The following EDIL3 variants were observed in gnomAD, a reference collection of about 807,000 sequenced individuals.
EDIL3 encodes the protein EGF-like repeat and discoidin I-like domain-containing protein 3.
Under a neutral mutation model 67.4 loss-of-function variants are expected in EDIL3, and 37 were observed. The observed-to-expected ratio is 0.55, with a 90% CI of 0.42 to 0.72. The LOEUF (loss-of-function observed/expected upper bound fraction) is 0.72, where lower values mean the gene tolerates loss of function less well. EDIL3 is among the 30% of genes least tolerant of loss of function. The pLI, the probability that EDIL3 is intolerant of heterozygous loss-of-function variation, is 0.00. For synonymous variants in EDIL3, 195 were observed against 196.3 expected, an observed-to-expected ratio of 0.99 and a Z score of 0.05; for missense variants, 527 against 586.3, an observed-to-expected ratio of 0.90 and a Z score of 1.04.
intron 1 of EDIL3, among the ~76,000 whole-genome samples, chr5:84,258,082 G>A (rs1392883139): frequency 6.6e-6 from 1 of 152,160 alleles, no homozygotes; most frequent in Non-Finnish European, 1.5e-5. Flanking sequence ...CTTGGACAAA[G>A]TAGAGGATAA....
At chr5:84,128,927 G>C (rs1228327148) in intron 5 of EDIL3, among the ~76,000 whole-genome samples, 1 of 152,112 alleles carries the variant, frequency 6.6e-6, no homozygotes, top group Non-Finnish European at 1.5e-5. Flanking sequence ...GAATGTTTCA[G>C]TAATTATTTG....
chr5:84,329,937 G>C (rs1006207558), intron 1 of EDIL3, among the ~76,000 whole-genome samples: 1 of 151,976 alleles, frequency 6.6e-6, no homozygotes, highest in Non-Finnish European at 1.5e-5. Context: ...TTTTTATACA[G>C]GATACTCAGA....
At chr5:84,200,895 C>A (rs980878394) in intron 3 of EDIL3, among the ~76,000 whole-genome samples, 10 of 151,956 alleles carry the variant, frequency 6.6e-5, no homozygotes, top group Non-Finnish European at 1.5e-4. Context: ...TGAAATTTAT[C>A]CTCACAGGAA....
At chr5:84,337,728 A>G (rs1747018509) in intron 1 of EDIL3, among the ~76,000 whole-genome samples, 1 of 152,154 alleles carries the variant, frequency 6.6e-6, no homozygotes, top group Admixed American at 6.6e-5. Context: ...CTTTTTCATC[A>G]TGATAAATGA....
intron 4 of EDIL3, among the ~76,000 whole-genome samples, chr5:84,168,940 C>T (rs1012831113): frequency 1.1e-4 from 17 of 152,164 alleles, no homozygotes; most frequent in African/African-American, 2.9e-4. Flanking sequence ...ATGGCTTACA[C>T]GTCCTTGACT....
intron 9 of EDIL3, among the ~76,000 whole-genome samples, chr5:84,005,766 A>C (rs1745404012): frequency 6.6e-6 from 1 of 152,124 alleles, no homozygotes; most frequent in Non-Finnish European, 1.5e-5. Context: ...CTGGAATGAG[A>C]CAAGGATGCC....
intron 6 of EDIL3, among the ~76,000 whole-genome samples, chr5:84,096,388 C>T (rs1000446111): frequency 2.6e-5 from 4 of 152,206 alleles, no homozygotes; most frequent in Admixed American, 2.6e-4. Context: ...CTTGCATCAG[C>T]TTGACATGGA....
At chr5:84,280,915 A>C (rs1301347750) in intron 1 of EDIL3, among the ~76,000 whole-genome samples, 1 of 136,648 alleles carries the variant, frequency 7.3e-6, no homozygotes, top group Non-Finnish European at 1.5e-5. Flanking sequence ...CACCCCCTGC[A>C]CTCCAGCCTG....
chr5:84,146,633 G>T (rs984331769), intron 4 of EDIL3, among the ~76,000 whole-genome samples: 4 of 152,036 alleles, frequency 2.6e-5, no homozygotes, highest in African/African-American at 9.7e-5. Context: ...TAAGTGGCTT[G>T]GGTTTAATGG....
At chr5:84,134,689 C>T (rs571409) in intron 5 of EDIL3, among the ~76,000 whole-genome samples, 7,313 of 152,086 alleles carry the variant, frequency 0.048, 422 homozygotes, top group East Asian at 0.12. Flanking sequence ...AGACAATAGA[C>T]AGAATAAAGA....
At chr5:84,338,873 T>C (rs143427230) in intron 1 of EDIL3, among the ~76,000 whole-genome samples, 20 of 152,258 alleles carry the variant, frequency 1.3e-4, no homozygotes, top group African/African-American at 4.8e-4. Flanking sequence ...GCCTTGCACT[T>C]GGTTTAATGC....
At chr5:83,943,660 T>C (rs2112109426) in intron 10 of EDIL3, 92 bp from the exon 11 acceptor site, 2 of 1,418,038 alleles carry the variant, frequency 1.4e-6, no homozygotes, top group South Asian at 1.4e-5. Flanking sequence ...TCCCCAAACA[T>C]GATATTTGAT....
At chr5:84,008,379 G>A (rs1344022285) in intron 9 of EDIL3, among the ~76,000 whole-genome samples, 2 of 152,056 alleles carry the variant, frequency 1.3e-5, no homozygotes, top group Non-Finnish European at 2.9e-5. Flanking sequence ...TTGTATGCCT[G>A]TATCAAAATA....
intron 6 of EDIL3, among the ~76,000 whole-genome samples, chr5:84,095,965 T>TTACAAATTTCTGTAG (rs1291362181): frequency 1.5e-4 from 23 of 152,226 alleles, no homozygotes; most frequent in South Asian, 6.2e-4. Flanking sequence ...TAATAAATCG[T>TTACAAATTTCTGTAG]TACAAATTTC....
At position 84,174,805 on chromosome 5, in the gene EDIL3, A is replaced by C. The variant is rs10066103; in HGVS notation, c.355+5588T>G. 2.7e-3 allele frequency among the ~76,000 whole-genome samples: 411 copies of C among 152,302 alleles called. 3 individuals carry two copies. The highest frequency in any genetic ancestry group is 9.7e-3 in the African/African-American group (403 of 41,568). On this transcript the variant is annotated intron_variant, in intron 4 of 10. Transcript: ENST00000296591. The stretch of plus-strand genomic sequence containing the variant: ...AAGTGCTTGGAAGAACAATCTTTGC[A>C]GAGTGATTGTTATTTGTTTTTTGTT...
At chr5:84,372,900 A>G (rs1269859196) in intron 1 of EDIL3, among the ~76,000 whole-genome samples, 1 of 152,164 alleles carries the variant, frequency 6.6e-6, no homozygotes, top group Non-Finnish European at 1.5e-5. Context: ...AAGACAGTCA[A>G]AGAGAATAAT....
intron 1 of EDIL3, among the ~76,000 whole-genome samples, chr5:84,291,791 A>AT (rs1745928224): frequency 6.8e-6 from 1 of 147,298 alleles, no homozygotes; most frequent in Non-Finnish European, 1.5e-5. Flanking sequence ...ACAGATATAT[A>AT]CACACACATA....
Position 84,137,461 on chromosome 5 carries a change from TTGTG to T in EDIL3, c.356-111_356-108del. The T allele has an allele frequency of 4.2e-6, 4 of 954,480 alleles. No homozygotes were observed. In the Middle Eastern group the frequency reaches 8.9e-4, roughly 212 times the overall value. 59.1% of individuals were successfully genotyped at this position (954,480 alleles called of 1,614,324 possible). A position where few individuals can be genotyped will look rare whatever the true frequency, so the allele number is the denominator to read the frequency against. On this transcript the variant is annotated intron_variant, in intron 4 of 10. Coordinates refer to ENST00000296591, the MANE Select transcript of EDIL3 (RefSeq NM_005711.5). ...CAAATGTCTTAGTAATGCTATTCCT[TTGTG>T]TGTGTGTAGGCATGTGTGTGTTTAG...
At chr5:84,081,161 A>G (rs1043611777) in intron 6 of EDIL3, among the ~76,000 whole-genome samples, 11 of 152,196 alleles carry the variant, frequency 7.2e-5, no homozygotes, top group African/African-American at 2.2e-4. Context: ...GGGGCCAGGT[A>G]TAACCATTTC....
Sources: gnomAD v4.1 joint callset for allele counts (sites outside exome capture counted in the v4.1 genomes callset) on GRCh38, gnomAD v4.1.1 for gene constraint, MANE v1.5 for transcripts, NCBI Gene and HGNC (gene_info 2026-07-23, HGNC 2026-07-21) for gene names.